Variants in HIGD1A observed in about 807,000 individuals in gnomAD.
HIGD1A encodes HIG1 hypoxia inducible domain family member 1A.
Under a neutral mutation model 11.3 loss-of-function variants are expected in HIGD1A, and 8 were observed. The ratio of observed to expected loss-of-function variants is 0.71; its 90% CI spans 0.42 to 1.28. The LOEUF (loss-of-function observed/expected upper bound fraction) is 1.28, where lower values mean the gene tolerates loss of function less well. Among genes scored for constraint, HIGD1A ranks in the 50% most tolerant of loss-of-function variants. The pLI is 0.01. For missense variants in HIGD1A, 107 were observed against 118.8 expected (o/e 0.90, Z 0.46); for synonymous variants, 32 against 38.4 (o/e 0.83, Z 0.62).
At chr3:42,796,417 G>A (rs568067399) in intron 1 of HIGD1A, among the ~76,000 whole-genome samples, 42 of 146,820 alleles carry the variant, frequency 2.9e-4, no homozygotes, top group Non-Finnish European at 4.9e-4. Context: ...GTAATTAATC[G>A]TTCAAAAATT....
chr3:42,790,331 G>C (rs1700408134), intron 2 of HIGD1A, among the ~76,000 whole-genome samples: 1 of 152,102 alleles, frequency 6.6e-6, no homozygotes, highest in South Asian at 2.1e-4. Context: ...TCAGGAATTC[G>C]AGACCAACCT....
rs149283074 is a variant in HIGD1A at position 42,794,831 on chromosome 3, T to C, written c.-22-556A>G. Among the ~76,000 whole-genome samples, 53 of 152,362 alleles carry C rather than the reference T, an allele frequency of 3.5e-4. No homozygotes were observed. The East Asian group carries it at 5.8e-3, about 17-fold the overall frequency. On this transcript the variant is annotated intron_variant, in intron 1 of 3. Transcript: ENST00000321331. The stretch of plus-strand genomic sequence containing the variant: ...GTTTCCAGTCTATTACAGTAATCTG[T>C]TATCCATGGTGGTTGCCTCTGGGGA...
chr3:42,794,234 A>T lies in HIGD1A; in HGVS notation c.20T>A (p.Val7Asp), dbSNP rs1363872674. The T allele has an allele frequency of 3.7e-6, 6 of 1,604,364 alleles. No homozygotes were observed. Among genetic ancestry groups the T allele is most frequent in the Non-Finnish European group, 5.1e-6 (6 of 1,177,030 alleles). Reference protein sequence around the residue: MSTDTGVSLPSYEEDQG... With the variant: MSTDTGDSLPSYEEDQG... ...ATCTTCCTCATATGAAGGAAGGGAAACACCTGTGTCTGTTGACATAGTGAT... is the reference window on the plus strand; with the variant it reads ...ATCTTCCTCATATGAAGGAAGGGAATCACCTGTGTCTGTTGACATAGTGAT... Residue 7 changes from valine to aspartate, a missense_variant, in exon 2 of 4, where the codon GTT becomes GAT. Coordinates refer to ENST00000321331, the MANE Select transcript of HIGD1A (RefSeq NM_014056.4).
chr3:42,796,159 A>C (rs1011191431), intron 1 of HIGD1A, among the ~76,000 whole-genome samples: 1 of 152,204 alleles, frequency 6.6e-6, no homozygotes, highest in African/African-American at 2.4e-5. Context: ...TGGTGTGCTT[A>C]GTTTAGAAAG....
chr3:42,787,547 C>T (rs968477779), intron 2 of HIGD1A, among the ~76,000 whole-genome samples: 80 of 148,494 alleles, frequency 5.4e-4, no homozygotes, highest in Admixed American at 3.9e-3. Flanking sequence ...GCCGAGATCA[C>T]ACCACTGCAC....
intron 2 of HIGD1A, among the ~76,000 whole-genome samples, chr3:42,793,799 C>G (rs796307170): frequency 6.6e-6 from 1 of 152,144 alleles, no homozygotes; most frequent in Non-Finnish European, 1.5e-5. Flanking sequence ...CGCAAAACCC[C>G]GTGTCTATAC....
chr3:42,792,439 C>T (rs572731730), intron 2 of HIGD1A, among the ~76,000 whole-genome samples: 8 of 152,002 alleles, frequency 5.3e-5, no homozygotes, highest in South Asian at 2.1e-4. Context: ...TTTGGGAGGC[C>T]GAGGCGGGCG....
intron 2 of HIGD1A, among the ~76,000 whole-genome samples, chr3:42,793,933 C>G (rs1024953238): frequency 6.6e-6 from 1 of 151,948 alleles, no homozygotes; most frequent in Non-Finnish European, 1.5e-5. Context: ...TATGATCAAG[C>G]CACTGCACTT....
intron 1 of HIGD1A, among the ~76,000 whole-genome samples, chr3:42,800,649 A>G (rs970189455): frequency 4.1e-4 from 62 of 150,602 alleles, no homozygotes; most frequent in African/African-American, 1.5e-3. Context: ...TTTTTTTAAC[A>G]GAATCAGTAT....
intron 2 of HIGD1A, among the ~76,000 whole-genome samples, chr3:42,789,658 A>G (rs1176857847): frequency 6.6e-6 from 1 of 152,040 alleles, no homozygotes; most frequent in Admixed American, 6.5e-5. Context: ...TATAGTTCAG[A>G]CACCAAAAGC....
rs1276544563 is a variant in HIGD1A at position 42,785,004 on chromosome 3, T to A, written c.*267A>T. 2.8e-5 allele frequency: 11 copies of A among 393,748 alleles called. No individual in the cohort carries two copies. Among genetic ancestry groups the A allele is most frequent in the Non-Finnish European group, 5.0e-5 (11 of 218,568 alleles). The allele number at this position is 393,748 out of a possible 1,614,324, so 24.4% of individuals were successfully genotyped here. A position where few individuals can be genotyped will look rare whatever the true frequency, so the allele number is the denominator to read the frequency against. The stretch of plus-strand genomic sequence containing the variant: ...AGTTCATCTTAAAAATTTAAGAAGG[T>A]GGACATTTCAACACCATCAAGTGCA... On this transcript the variant is annotated 3_prime_UTR_variant, in exon 4 of 4. Transcript: ENST00000321331.
chr3:42,785,202 G>C lies in HIGD1A; in HGVS notation c.*69C>G, dbSNP rs11555610. 8 of 1,187,774 alleles carry C rather than the reference G, an allele frequency of 6.7e-6. No homozygotes were observed. The highest frequency in any genetic ancestry group is 9.8e-6 in the Non-Finnish European group (8 of 812,642). The allele number at this position is 1,187,774 out of a possible 1,614,324, so 73.6% of individuals were successfully genotyped here. A position where few individuals can be genotyped will look rare whatever the true frequency, so the allele number is the denominator to read the frequency against. ...ATTAGTTTATTTCCAACAATAATAGGTAACTTTAATAATAAGACATCTAAC... is the reference window on the plus strand; with the variant it reads ...ATTAGTTTATTTCCAACAATAATAGCTAACTTTAATAATAAGACATCTAAC... On this transcript the variant is annotated 3_prime_UTR_variant, in exon 4 of 4. Coordinates refer to ENST00000321331, the MANE Select transcript of HIGD1A (RefSeq NM_014056.4).
At chr3:42,796,881 C>CAGCT (rs765311545) in intron 1 of HIGD1A, among the ~76,000 whole-genome samples, 1 of 7,732 alleles carries the variant, frequency 1.3e-4, no homozygotes, top group African/African-American at 1.6e-4. Flanking sequence ...TTATAACTTC[C>CAGCT]GTCCCTCTCC....
chr3:42,792,612 T>G (rs1035143293), intron 2 of HIGD1A, among the ~76,000 whole-genome samples: 1 of 149,768 alleles, frequency 6.7e-6, no homozygotes, highest in Non-Finnish European at 1.5e-5. Context: ...AGGCGGAGCT[T>G]GCAGTGAGCC....
chr3:42,804,131 T>C (rs1317830423), intron 1 of HIGD1A: 1 of 1,598,312 alleles, frequency 6.3e-7, no homozygotes, highest in Non-Finnish European at 8.5e-7. Flanking sequence ...CCGTCTCTCA[T>C]TACCACCCCA....
rs1300562307 is a variant in HIGD1A, at chr3:42,783,891, C to T, written c.*1380G>A. 6.6e-6 allele frequency among the ~76,000 whole-genome samples: 1 copy of T among 152,088 alleles called. No individual in the cohort carries two copies. The highest frequency in any genetic ancestry group is 2.4e-5 in the African/African-American group (1 of 41,416). ...AGGAATTCAAGATCAGCCTGGCCAA[C>T]ATGGTGAAACCTCGTCTCTACTAAA... On this transcript the variant is annotated 3_prime_UTR_variant, in exon 4 of 4. Coordinates refer to ENST00000321331, the MANE Select transcript of HIGD1A (RefSeq NM_014056.4).
rs955790617 is a variant in HIGD1A, at chr3:42,801,412, T to G, written c.-23+3024A>C. ...TTATAAGCACCAGTTTGTCTGTTTC[T>G]TTTGCTAGAATCCTTCAAGTCAGGG... On this transcript the variant is annotated intron_variant, in intron 1 of 3. Transcript: ENST00000321331. Among the ~76,000 whole-genome samples, 3 of 152,364 alleles carry G rather than the reference T, an allele frequency of 2.0e-5. 1 individual carries two copies. The highest frequency in any genetic ancestry group is 6.8e-3 in the Middle Eastern group (2 of 294).
chr3:42,804,336 C>T (rs1307037388), intron 1 of HIGD1A, 100 bp downstream of exon 1: 4 of 749,768 alleles, frequency 5.3e-6, no homozygotes, highest in Non-Finnish European at 8.5e-6. Flanking sequence ...TCCCAGCCCC[C>T]ACCCCCAAAG....
chr3:42,787,332 C>A (rs1700363571), intron 2 of HIGD1A, among the ~76,000 whole-genome samples: 1 of 151,998 alleles, frequency 6.6e-6, no homozygotes, highest in Admixed American at 6.6e-5. Flanking sequence ...CAGTAGCTCA[C>A]ACCCATCATC....
Sources: allele counts gnomAD v4.1 joint callset (sites outside exome capture counted in the v4.1 genomes callset), GRCh38; gene constraint gnomAD v4.1.1; transcripts MANE v1.5; gene names NCBI Gene and HGNC (gene_info 2026-07-23, HGNC 2026-07-21).